The following FBXL2 variants were observed in gnomAD, a reference collection of about 807,000 sequenced individuals.
The protein encoded by FBXL2 is F-box/LRR-repeat protein 2.
In FBXL2, 38 loss-of-function variants were observed where a neutral mutation model predicts 69.2. That is an observed-to-expected ratio of 0.55 (90% CI 0.42 to 0.72). FBXL2 has a LOEUF of 0.72. FBXL2 is among the 30% of genes least tolerant of loss of function. The pLI is 0.00. For synonymous variants in FBXL2, 192 were observed against 201.3 expected, an observed-to-expected ratio of 0.95 and a Z score of 0.39; for missense variants, 354 against 520.3, an observed-to-expected ratio of 0.68 and a Z score of 3.11.
At chr3:33,409,303 A>G in the FBXL2 span, 2 of 1,614,050 alleles carry the variant, frequency 1.2e-6, no homozygotes, top group Non-Finnish European at 1.7e-6. Flanking sequence ...TCTCTTCTCC[A>G]TCTTCTCTCG....
rs779687183 is a variant in FBXL2, at chr3:33,375,388, C to T, written c.758C>T (p.Thr253Ile). The change falls in exon 10 of 15, where the codon ACA (threonine) becomes ATA (isoleucine). Residue 253 changes from threonine (T) to isoleucine (I), a missense_variant. Coordinates refer to ENST00000484457, the MANE Select transcript of FBXL2 (RefSeq NM_012157.5). The part of the protein sequence containing the change: ...GCSNLTDASL[T>I]ALGLNCPRLQ... ...AGCAACCTCACAGATGCCTCTCTTA[C>T]AGCCCTGGGTTTGAACTGTCCGCGA... The T allele has an allele frequency of 2.8e-5, 45 of 1,614,088 alleles. No individual in the cohort carries two copies. The highest frequency in any genetic ancestry group is 3.0e-5 in the Non-Finnish European group (35 of 1,180,038).
chr3:33,345,203 A>T (rs924094068), intron 2 of FBXL2, among the ~76,000 whole-genome samples: 1 of 152,160 alleles, frequency 6.6e-6, no homozygotes, highest in African/African-American at 2.4e-5. Flanking sequence ...GCTCTAGGGG[A>T]GAATCCATTC....
At chr3:33,391,816 A>G (rs4678954), downstream of FBXL2, 67,687 of 152,022 alleles carry the variant, frequency 0.45, 15,393 homozygotes, top group East Asian at 0.57. Flanking sequence ...TCACATTACT[A>G]CTCCTTTGTT....
chr3:33,341,109 AAGG>A (rs1242556914), intron 2 of FBXL2, among the ~76,000 whole-genome samples: 2 of 152,106 alleles, frequency 1.3e-5, no homozygotes, highest in African/African-American at 4.8e-5. Flanking sequence ...CTTATTACAA[AAGG>A]AGAAGTAACC....
chr3:33,391,251 T>G (rs2043751898), downstream of FBXL2: 1 of 152,236 alleles, frequency 6.6e-6, no homozygotes, highest in African/African-American at 2.4e-5. Context: ...ATCTCCCTCT[T>G]CTAGGGGCAG....
intron 2 of FBXL2, among the ~76,000 whole-genome samples, chr3:33,355,465 C>A (rs1271474328): frequency 6.6e-6 from 1 of 152,102 alleles, no homozygotes; most frequent in African/African-American, 2.4e-5. Flanking sequence ...AGAAAGTTTT[C>A]TTGTAGAAAT....
chr3:33,319,197 A>G (rs547656179), intron 2 of FBXL2, among the ~76,000 whole-genome samples: 1 of 152,234 alleles, frequency 6.6e-6, no homozygotes, highest in African/African-American at 2.4e-5. Flanking sequence ...AACTTCAAGT[A>G]TGGGAGCCCC....
downstream of FBXL2, chr3:33,390,222 G>C: frequency 8.8e-7 from 1 of 1,142,180 alleles, no homozygotes; most frequent in Middle Eastern, 2.1e-4. Context: ...TTTTCAATAT[G>C]AAACATTTCA....
chr3:33,396,642 C>G (rs2044006655), intron 12 of FBXL2: 2 of 411,120 alleles, frequency 4.9e-6, no homozygotes, highest in South Asian at 2.2e-5. Context: ...CAAGCCAGCA[C>G]AATTTACAGT....
chr3:33,310,141 G>GTTTTA (rs1170994786), intron 2 of FBXL2, among the ~76,000 whole-genome samples: 8 of 151,930 alleles, frequency 5.3e-5, no homozygotes, highest in Middle Eastern at 3.4e-3. Flanking sequence ...ATTTTTAATA[G>GTTTTA]TTTTATTTTA....
chr3:33,336,541 A>G (rs966232416), intron 2 of FBXL2, among the ~76,000 whole-genome samples: 5 of 152,256 alleles, frequency 3.3e-5, no homozygotes, highest in Non-Finnish European at 7.3e-5. Context: ...TATTTCGTCA[A>G]CATGACATAC....
chr3:33,329,469 A>G (rs566847372), intron 2 of FBXL2, among the ~76,000 whole-genome samples: 11 of 151,702 alleles, frequency 7.3e-5, no homozygotes, highest in South Asian at 2.1e-4. Flanking sequence ...TTACACTCCA[A>G]TGTGTATTGC....
the FBXL2 span, among the ~76,000 whole-genome samples, chr3:33,417,170 A>C: frequency 6.6e-6 from 1 of 152,206 alleles, no homozygotes; most frequent in Non-Finnish European, 1.5e-5. Flanking sequence ...ACATTTTTAA[A>C]AAGTGTGTAA....
downstream of FBXL2, chr3:33,389,613 A>G (rs1575439417): frequency 6.6e-6 from 1 of 152,328 alleles, no homozygotes; most frequent in Non-Finnish European, 1.5e-5. Flanking sequence ...CAGAAGCAAA[A>G]AAGTTTTTCA....
intron 2 of FBXL2, among the ~76,000 whole-genome samples, chr3:33,337,145 C>T (rs534818764): frequency 6.6e-6 from 1 of 152,256 alleles, no homozygotes; most frequent in African/African-American, 2.4e-5. Context: ...GTGGAGGTTG[C>T]AGTGAGCCGA....
downstream of FBXL2, chr3:33,390,701 G>A: frequency 3.2e-6 from 1 of 315,388 alleles, no homozygotes. Context: ...AAGGAGAACA[G>A]GTGAAATATA....
chr3:33,392,541 GAC>G (rs762688455), downstream of FBXL2: 15 of 1,599,552 alleles, frequency 9.4e-6, no homozygotes, highest in Middle Eastern at 3.3e-4. Flanking sequence ...AGCATTTTAA[GAC>G]ACACACACAT....
intron 2 of FBXL2, among the ~76,000 whole-genome samples, chr3:33,325,403 A>G (rs773456370): frequency 6.6e-6 from 1 of 152,310 alleles, no homozygotes; most frequent in Admixed American, 6.5e-5. Flanking sequence ...GCTTTTGCCC[A>G]TTCAGTATGA....
intron 12 of FBXL2, chr3:33,396,867 T>C (rs1340440331): frequency 4.3e-6 from 3 of 699,636 alleles, no homozygotes; most frequent in Admixed American, 2.0e-5. Flanking sequence ...CTGCATCATA[T>C]CTGGGCCTGC....
Sources: gnomAD v4.1 joint callset for allele counts (sites outside exome capture counted in the v4.1 genomes callset) on GRCh38, gnomAD v4.1.1 for gene constraint, MANE v1.5 for transcripts, NCBI Gene and HGNC (gene_info 2026-07-23, HGNC 2026-07-21) for gene names.